The following NXPH1 variants were observed in gnomAD, a reference collection of about 807,000 sequenced individuals.
NXPH1 encodes neurexophilin-1.
A neutral mutation model predicts 23.7 loss-of-function variants in NXPH1; 5 were observed. That is an observed-to-expected ratio of 0.21 (90% confidence interval 0.11 to 0.44). The LOEUF is 0.44. Ranked by LOEUF, NXPH1 falls within the 20% of genes least tolerant of loss-of-function variation. The probability of loss-of-function intolerance (pLI) is 0.99; values close to 1 mark genes in which losing one functional copy is unlikely to be tolerated. For missense variants in NXPH1, 324 were observed against 321.6 expected (o/e 1.01, Z -0.06); for synonymous variants, 144 against 122.2 (o/e 1.18, Z -1.18).
At chr7:8,622,956 T>C (rs550172624) in intron 2 of NXPH1, among the ~76,000 whole-genome samples, 68 of 152,284 alleles carry the variant, frequency 4.5e-4, no homozygotes, top group African/African-American at 1.5e-3. Context: ...ATGAAATTTA[T>C]TGTTATTAAT....
intron 2 of NXPH1, among the ~76,000 whole-genome samples, chr7:8,544,092 C>T (rs981818405): frequency 6.6e-5 from 10 of 151,588 alleles, no homozygotes. Context: ...CATGTTGCCT[C>T]TTACCAAGAA....
At chr7:8,683,587 T>C (rs1436612112) in intron 2 of NXPH1, among the ~76,000 whole-genome samples, 1 of 152,202 alleles carries the variant, frequency 6.6e-6, no homozygotes, top group Non-Finnish European at 1.5e-5. Flanking sequence ...GACAAGATCA[T>C]TTCTGGGTTT....
intron 2 of NXPH1, among the ~76,000 whole-genome samples, chr7:8,562,994 T>C (rs550971385): frequency 4.0e-5 from 6 of 151,736 alleles, no homozygotes; most frequent in African/African-American, 1.2e-4. Context: ...ATGGCTCCAG[T>C]AGATAATTAA....
At chr7:8,482,222 C>G (rs974506044) in intron 2 of NXPH1, among the ~76,000 whole-genome samples, 2 of 152,178 alleles carry the variant, frequency 1.3e-5, no homozygotes, top group African/African-American at 4.8e-5. Flanking sequence ...GCTTTGCTGG[C>G]TTTCCCAAAT....
intron 2 of NXPH1, among the ~76,000 whole-genome samples, chr7:8,573,715 C>A (rs1178022440): frequency 6.6e-6 from 1 of 152,126 alleles, no homozygotes; most frequent in East Asian, 1.9e-4. Flanking sequence ...TTAGAACTTT[C>A]TTCCAGTTAA....
chr7:8,615,507 G>A (rs1230659922), intron 2 of NXPH1, among the ~76,000 whole-genome samples: 2 of 152,012 alleles, frequency 1.3e-5, no homozygotes, highest in Non-Finnish European at 2.9e-5. Flanking sequence ...TCAGATGGGA[G>A]GGCATAATCT....
chr7:8,505,614 T>C (rs1817509158), intron 2 of NXPH1, among the ~76,000 whole-genome samples: 1 of 152,096 alleles, frequency 6.6e-6, no homozygotes, highest in African/African-American at 2.4e-5. Flanking sequence ...ACTTATCAGA[T>C]AATTTCCATA....
intron 2 of NXPH1, among the ~76,000 whole-genome samples, chr7:8,446,265 C>T (rs1473547002): frequency 6.6e-6 from 1 of 152,152 alleles, no homozygotes; most frequent in Admixed American, 6.6e-5. Context: ...GTATGCTAAT[C>T]ATGGGTTGTC....
At chr7:8,614,282 A>G (rs1215784752) in intron 2 of NXPH1, among the ~76,000 whole-genome samples, 5 of 151,896 alleles carry the variant, frequency 3.3e-5, no homozygotes, top group Admixed American at 2.0e-4. Flanking sequence ...ATACCTAGAC[A>G]TTGTATTATT....
intron 2 of NXPH1, among the ~76,000 whole-genome samples, chr7:8,593,310 A>T (rs1451595163): frequency 6.6e-6 from 1 of 151,890 alleles, no homozygotes; most frequent in Admixed American, 6.6e-5. Context: ...GGGAATACAT[A>T]GCAATCATAT....
At position 8,495,789 on chromosome 7, in the gene NXPH1, G is replaced by T. The variant is rs553289968; in HGVS notation, c.54+60022G>T. ...TTGCATGTGGGAGAAAGACTTAGAG[G>T]ACTGGGGCTTACACAGGCATGGGAG... On this transcript the variant is annotated intron_variant, in intron 2 of 2. Transcript: ENST00000405863. 1.1e-3 allele frequency among the ~76,000 whole-genome samples: 165 copies of T among 152,132 alleles called. 1 individual carries two copies. Among genetic ancestry groups the T allele is most frequent in the Non-Finnish European group, 2.1e-3 (145 of 67,950 alleles).
At chr7:8,735,234 G>C (rs896448494) in intron 2 of NXPH1, among the ~76,000 whole-genome samples, 2 of 152,100 alleles carry the variant, frequency 1.3e-5, no homozygotes, top group Admixed American at 6.5e-5. Flanking sequence ...TTCCAAGGGA[G>C]TGCTTCTAGC....
In NXPH1 at chr7:8,437,399, CG is replaced by C. The variant is rs761842927; in HGVS notation, c.54+1639del. Among the ~76,000 whole-genome samples the C allele has an allele frequency of 2.8e-4, 17 of 59,838 alleles. 1 individual carries two copies. In the East Asian group the frequency reaches 6.1e-3, roughly 21 times the overall value. The allele number at this position is 59,838 out of a possible 152,430, so 39.3% of individuals were successfully genotyped here. ...GAATGCAAAGTGAAAGCGACGGGGG[CG>C]GGGGGGAGGTAATTTTAAGGATTCC... On this transcript the variant is annotated intron_variant, in intron 2 of 2. Transcript: ENST00000405863.
At chr7:8,617,736 A>C (rs925896854) in intron 2 of NXPH1, among the ~76,000 whole-genome samples, 7 of 152,152 alleles carry the variant, frequency 4.6e-5, no homozygotes, top group African/African-American at 1.7e-4. Context: ...TTGATAGAAC[A>C]ACAGGGTGAC....
chr7:8,444,810 T>C (rs1816368473), intron 2 of NXPH1, among the ~76,000 whole-genome samples: 1 of 152,260 alleles, frequency 6.6e-6, no homozygotes, highest in Non-Finnish European at 1.5e-5. Flanking sequence ...TGCAGTAAAA[T>C]GATCGCATTT....
In NXPH1 at chr7:8,434,052, G is replaced by C. The variant is rs1428804335; in HGVS notation, c.-814G>C. ...CGCCGGAAACCCAAAGCGCTCCAGAGCGTCCCCGGGTGGCCGGGCAGCACC... is the reference window on the plus strand; with the variant it reads ...CGCCGGAAACCCAAAGCGCTCCAGACCGTCCCCGGGTGGCCGGGCAGCACC... On this transcript the variant is annotated 5_prime_UTR_variant, in exon 1 of 3. Coordinates refer to ENST00000405863, the MANE Select transcript of NXPH1 (RefSeq NM_152745.3). The surrounding 1 kb of genome is among the most constrained non-coding windows in gnomAD (Gnocchi z 7.6). 6.6e-6 allele frequency: 1 copy of C among 152,196 alleles called. No homozygotes were observed. Among genetic ancestry groups the C allele is most frequent in the Non-Finnish European group, 1.5e-5 (1 of 68,052 alleles). The allele number at this position is 152,196 out of a possible 1,614,324, so 9.4% of individuals were successfully genotyped here.
Position 8,610,626 on chromosome 7 carries a change from A to G in NXPH1, c.55-140382A>G, listed in dbSNP as rs572929472. Among the ~76,000 whole-genome samples, 10 of 152,242 alleles carry G rather than the reference A, an allele frequency of 6.6e-5. No individual in the cohort carries two copies. The South Asian group carries it at 2.1e-3, about 32-fold the overall frequency. ...TGTATCCTTCCAGATGTAGATCCCC[A>G]GATGATAACAGGGCTATTTCTGGGT... On this transcript the variant is annotated intron_variant, in intron 2 of 2. Transcript: ENST00000405863.
chr7:8,661,791 G>A (rs1258970585), intron 2 of NXPH1, among the ~76,000 whole-genome samples: 1 of 152,060 alleles, frequency 6.6e-6, no homozygotes, highest in African/African-American at 2.4e-5. Context: ...TAAATGAGGA[G>A]TGCCCCTCAG....
intron 2 of NXPH1, among the ~76,000 whole-genome samples, chr7:8,565,556 C>G (rs959344798): frequency 6.6e-6 from 1 of 151,650 alleles, no homozygotes; most frequent in African/African-American, 2.4e-5. Context: ...GTGTTCTAAA[C>G]TAGAACATTT....
Sources: allele counts gnomAD v4.1 joint callset (sites outside exome capture counted in the v4.1 genomes callset), GRCh38; gene constraint gnomAD v4.1.1; non-coding constraint Gnocchi (gnomAD v3.1); transcripts MANE v1.5; gene names NCBI Gene and HGNC (gene_info 2026-07-23, HGNC 2026-07-21).